Variants in LCLAT1 observed in about 807,000 individuals in gnomAD.
LCLAT1 encodes the protein lysocardiolipin acyltransferase 1.
In LCLAT1, 11 loss-of-function variants were observed where a neutral mutation model predicts 30.7. The ratio of observed to expected loss-of-function variants is 0.36; its 90% confidence interval spans 0.23 to 0.59. The LOEUF is 0.59. Ranked by LOEUF, LCLAT1 falls within the 20% of genes least tolerant of loss-of-function variation. The probability of loss-of-function intolerance (pLI) is 0.77; values close to 1 mark genes in which losing one functional copy is unlikely to be tolerated. For missense variants in LCLAT1, 402 were observed against 458.6 expected (o/e 0.88, Z 1.13); for synonymous variants, 155 against 151.3 (o/e 1.02, Z -0.18).
At chr2:30,618,892 C>G (rs566566340) in intron 5 of LCLAT1, among the ~76,000 whole-genome samples, 162 of 152,200 alleles carry the variant, frequency 1.1e-3, no homozygotes, top group African/African-American at 3.7e-3. Context: ...CCTTTTTAAT[C>G]TGTATGCCCT....
chr2:30,476,464 C>T (rs1012853404), intron 1 of LCLAT1: 6 of 456,652 alleles, frequency 1.3e-5, no homozygotes, highest in Admixed American at 1.2e-4. Flanking sequence ...CCACTGCATT[C>T]GATTCTTACA....
chr2:30,595,430 A>G (rs1285219639), intron 5 of LCLAT1, among the ~76,000 whole-genome samples: 3 of 152,090 alleles, frequency 2.0e-5, no homozygotes, highest in African/African-American at 4.8e-5. Context: ...TGCCTCCACC[A>G]TATTCCTATT....
At position 30,640,624 on chromosome 2, in the gene LCLAT1, A is replaced by G. The variant is rs778687253; in HGVS notation, c.*5A>G. On this transcript the variant is annotated 3_prime_UTR_variant, in exon 6 of 6. Coordinates refer to ENST00000379509, the MANE Select transcript of LCLAT1 (RefSeq NM_001002257.3). ...AATTCAAAGAAAAATGAGTAAGATT[A>G]TAAGGTTTGCCATGTGAAAACCTAG... The G allele has an allele frequency of 5.7e-6, 9 of 1,587,386 alleles. No homozygotes were observed. The African/African-American group carries it at 6.8e-5, about 12-fold the overall frequency.
intron 5 of LCLAT1, among the ~76,000 whole-genome samples, chr2:30,610,685 T>C (rs1214765550): frequency 6.6e-6 from 1 of 152,142 alleles, no homozygotes; most frequent in Non-Finnish European, 1.5e-5. Context: ...TATATTATAA[T>C]GTTGGAGCTT....
At chr2:30,562,878 T>C (rs2148442393) in intron 4 of LCLAT1, among the ~76,000 whole-genome samples, 1 of 152,232 alleles carries the variant, frequency 6.6e-6, no homozygotes, top group South Asian at 2.1e-4. Context: ...TAGTAACTAA[T>C]TTCAGTTATT....
At chr2:30,509,037 A>G (rs1023407880) in intron 1 of LCLAT1, among the ~76,000 whole-genome samples, 39 of 152,108 alleles carry the variant, frequency 2.6e-4, no homozygotes, top group African/African-American at 9.2e-4. Flanking sequence ...GCAATTGTGA[A>G]TGGGATTGGG....
rs562654899 is a variant in LCLAT1 at position 30,465,301 on chromosome 2, A to T, written c.-5+17918A>T. On this transcript the variant is annotated intron_variant, in intron 1 of 5. Transcript: ENST00000379509. ...GGTAGAGATTTGAGTGTTAACGGCC[A>T]CAAGTCAAGGCATTCCCACAGCCAT... Among the ~76,000 whole-genome samples the T allele has an allele frequency of 2.0e-5, 3 of 152,292 alleles. No individual in the cohort carries two copies. The South Asian group carries it at 6.2e-4, about 32-fold the overall frequency.
chr2:30,481,137 T>A (rs760044441), intron 1 of LCLAT1, among the ~76,000 whole-genome samples: 1 of 152,158 alleles, frequency 6.6e-6, no homozygotes, highest in Non-Finnish European at 1.5e-5. Flanking sequence ...GGATGTGGCC[T>A]GTTGGGGAAC....
chr2:30,449,602 G>A (rs918225287), intron 1 of LCLAT1, among the ~76,000 whole-genome samples: 3 of 151,832 alleles, frequency 2.0e-5, no homozygotes, highest in Admixed American at 6.6e-5. Context: ...CCGGGTTCAA[G>A]CGATTCTCCT....
chr2:30,522,303 C>A (rs1346607480), intron 1 of LCLAT1, among the ~76,000 whole-genome samples: 4 of 152,202 alleles, frequency 2.6e-5, no homozygotes, highest in African/African-American at 9.7e-5. Flanking sequence ...TGCATTCCCA[C>A]CAGCAATGTT....
intron 5 of LCLAT1, among the ~76,000 whole-genome samples, chr2:30,628,727 A>T (rs1306718982): frequency 2.0e-5 from 3 of 152,220 alleles, no homozygotes; most frequent in Non-Finnish European, 4.4e-5. Context: ...AGAAACGAGG[A>T]GTTGTTTTGC....
intron 2 of LCLAT1, among the ~76,000 whole-genome samples, chr2:30,531,037 G>A (rs1045318527): frequency 2.0e-5 from 3 of 152,084 alleles, no homozygotes; most frequent in Admixed American, 1.3e-4. Context: ...AGGCCAAGGC[G>A]GGCGAGTCGC....
intron 5 of LCLAT1, among the ~76,000 whole-genome samples, chr2:30,571,283 C>T (rs982435579): frequency 3.3e-5 from 5 of 152,024 alleles, no homozygotes; most frequent in Non-Finnish European, 5.9e-5. Context: ...CCAAATTCTT[C>T]GGTTTGTATT....
chr2:30,569,511 C>T lies in LCLAT1; in HGVS notation c.628+1335C>T, dbSNP rs978589779. Among the ~76,000 whole-genome samples, 28 of 152,180 alleles carry T rather than the reference C, an allele frequency of 1.8e-4. 1 individual carries two copies. Among genetic ancestry groups the T allele is most frequent in the Non-Finnish European group, 1.5e-5 (1 of 68,042 alleles). ...AAGCCATATTGTGTAATGGTGATCT[C>T]TGTGACAAATGTCACCTTCATCTGG... On this transcript the variant is annotated intron_variant, in intron 5 of 5. Transcript: ENST00000379509.
intron 3 of LCLAT1, among the ~76,000 whole-genome samples, chr2:30,543,708 G>A (rs989646056): frequency 4.6e-5 from 7 of 152,000 alleles, no homozygotes; most frequent in African/African-American, 1.7e-4. Flanking sequence ...ATAATATTTT[G>A]TTAATTTTTT....
intron 1 of LCLAT1, chr2:30,489,256 G>A (rs1310273556): frequency 6.6e-6 from 1 of 152,202 alleles, no homozygotes; most frequent in Non-Finnish European, 1.5e-5. Context: ...TACAATGAAA[G>A]CATATTTAAT....
intron 5 of LCLAT1, among the ~76,000 whole-genome samples, chr2:30,595,556 C>T (rs1009085190): frequency 1.9e-4 from 29 of 152,156 alleles, no homozygotes; most frequent in African/African-American, 5.6e-4. Context: ...CATTCTTAAC[C>T]AGTATCCTTC....
chr2:30,475,081 T>C (rs554455565), intron 1 of LCLAT1, among the ~76,000 whole-genome samples: 1 of 152,228 alleles, frequency 6.6e-6, no homozygotes, highest in Admixed American at 6.5e-5. Context: ...CATTGTATCC[T>C]TGAACTCCTG....
intron 3 of LCLAT1, among the ~76,000 whole-genome samples, chr2:30,534,434 C>T (rs1002954532): frequency 2.0e-5 from 3 of 152,112 alleles, no homozygotes; most frequent in African/African-American, 7.2e-5. Context: ...CCAGCCACCA[C>T]GCCTGGCTAA....
Sources: gnomAD v4.1 joint callset for allele counts (sites outside exome capture counted in the v4.1 genomes callset) on GRCh38, gnomAD v4.1.1 for gene constraint, MANE v1.5 for transcripts, NCBI Gene and HGNC (gene_info 2026-07-23, HGNC 2026-07-21) for gene names.